The following MTUS2 variants were observed in gnomAD, a reference collection of about 807,000 sequenced individuals.
MTUS2 encodes microtubule associated scaffold protein 2.
Under a neutral mutation model 114.1 loss-of-function variants are expected in MTUS2, and 40 were observed. The observed-to-expected ratio is 0.35, with a 90% CI of 0.27 to 0.46. MTUS2 has a LOEUF of 0.46. MTUS2 is among the 20% of genes least tolerant of loss of function. The pLI, the probability that MTUS2 is intolerant of heterozygous loss-of-function variation, is 1.00. For synonymous variants in MTUS2, 688 were observed against 672.0 expected (o/e 1.02, Z -0.37); for missense variants, 1,679 against 1,705.4 (o/e 0.98, Z 0.27).
chr13:29,039,754 A>C (rs1160669630), intron 4 of MTUS2, among the ~76,000 whole-genome samples: 1 of 152,232 alleles, frequency 6.6e-6, no homozygotes, highest in East Asian at 1.9e-4. Context: ...TACTCATATC[A>C]GTAAAGGTGA....
At chr13:29,344,326 A>C (rs1297593512) in intron 7 of MTUS2, among the ~76,000 whole-genome samples, 2 of 151,918 alleles carry the variant, frequency 1.3e-5, no homozygotes, top group Non-Finnish European at 2.9e-5. Context: ...TAAATTTGGG[A>C]GCTCCAGTGT....
intron 2 of MTUS2, among the ~76,000 whole-genome samples, chr13:28,860,679 A>T (rs546696286): frequency 6.6e-6 from 1 of 152,274 alleles, no homozygotes; most frequent in East Asian, 1.9e-4. Flanking sequence ...TCCACCTCAG[A>T]TGTTTCCCTG....
chr13:28,839,284 C>T (rs771493989), intron 1 of MTUS2, among the ~76,000 whole-genome samples: 1 of 152,084 alleles, frequency 6.6e-6, no homozygotes, highest in African/African-American at 2.4e-5. Flanking sequence ...TTCATAGCTA[C>T]TCTGGTTTTT....
chr13:29,366,112 T>G (rs9506164), intron 8 of MTUS2, among the ~76,000 whole-genome samples: 113,289 of 152,126 alleles, frequency 0.74, 42,380 homozygotes, highest in East Asian at 0.83. Context: ...ACTCTGTGGG[T>G]TGTTCTATTA....
chr13:28,864,858 T>G (rs1024730331), intron 2 of MTUS2, among the ~76,000 whole-genome samples: 1 of 152,248 alleles, frequency 6.6e-6, no homozygotes, highest in Non-Finnish European at 1.5e-5. Flanking sequence ...CTTATTTTCA[T>G]GAGTATTGTC....
At chr13:29,458,314 G>C (rs2138776667) in intron 9 of MTUS2, among the ~76,000 whole-genome samples, 1 of 152,276 alleles carries the variant, frequency 6.6e-6, no homozygotes, top group African/African-American at 2.4e-5. Context: ...AAAATAGAAA[G>C]TAAATCTATT....
intron 2 of MTUS2, among the ~76,000 whole-genome samples, chr13:28,974,373 CTG>C (rs1361574427): frequency 1.3e-5 from 2 of 152,160 alleles, no homozygotes; most frequent in African/African-American, 4.8e-5. Context: ...GCCAAACAAA[CTG>C]TATCTGAATT....
intron 2 of MTUS2, among the ~76,000 whole-genome samples, chr13:28,841,045 T>TGTCCTTGTTCTCAAAGAC (rs1875445573): frequency 6.6e-6 from 1 of 152,260 alleles, no homozygotes; most frequent in Non-Finnish European, 1.5e-5. Context: ...ACCTGTGTGA[T>TGTCCTTGTTCTCAAAGAC]GTCCTTGTTC....
intron 5 of MTUS2, among the ~76,000 whole-genome samples, chr13:29,227,539 CT>C (rs1896159075): frequency 6.6e-6 from 1 of 152,202 alleles, no homozygotes; most frequent in African/African-American, 2.4e-5. Flanking sequence ...CTTGAATTTG[CT>C]TCTAAGACAG....
intron 1 of MTUS2, among the ~76,000 whole-genome samples, chr13:28,830,684 G>A (rs1485545358): frequency 6.6e-6 from 1 of 152,106 alleles, no homozygotes; most frequent in Admixed American, 6.6e-5. Context: ...ACCAACATAT[G>A]TATAATTGAA....
At chr13:29,173,566 G>T (rs933469723) in intron 5 of MTUS2, among the ~76,000 whole-genome samples, 1 of 151,960 alleles carries the variant, frequency 6.6e-6, no homozygotes, top group Non-Finnish European at 1.5e-5. Flanking sequence ...CAAGATATTC[G>T]TACCTTTAGT....
chr13:29,402,524 A>G (rs1874422051), intron 8 of MTUS2, among the ~76,000 whole-genome samples: 1 of 151,494 alleles, frequency 6.6e-6, no homozygotes, highest in African/African-American at 2.4e-5. Flanking sequence ...CAGAAGATAC[A>G]GGAAGAAGCT....
At position 28,954,328 on chromosome 13, in the gene MTUS2, A is replaced by G. The variant is rs1477910679; in HGVS notation, c.-242-70129A>G. Among the ~76,000 whole-genome samples the G allele has an allele frequency of 2.6e-5, 4 of 152,210 alleles. 1 individual carries two copies. Among genetic ancestry groups the G allele is most frequent in the African/African-American group, 9.6e-5 (4 of 41,462 alleles). On this transcript the variant is annotated intron_variant, in intron 2 of 15. Coordinates refer to ENST00000612955, the MANE Select transcript of MTUS2 (RefSeq NM_001033602.4). ...TGACCTCACACCATAAGTGCTGACAAGTCTGAGGGAATATCCCAGTGGGTC... is the reference window on the plus strand; with the variant it reads ...TGACCTCACACCATAAGTGCTGACAGGTCTGAGGGAATATCCCAGTGGGTC...
chr13:29,140,804 G>T (rs1252191372), intron 5 of MTUS2, among the ~76,000 whole-genome samples: 1 of 152,146 alleles, frequency 6.6e-6, no homozygotes, highest in Non-Finnish European at 1.5e-5. Flanking sequence ...CTTCCCTCAT[G>T]GGAAGTAGGC....
rs113453754 is a variant in MTUS2 at position 28,968,318 on chromosome 13, A to G, written c.-242-56139A>G. 3.5e-3 allele frequency among the ~76,000 whole-genome samples: 539 copies of G among 152,320 alleles called. 3 individuals carry two copies. Among genetic ancestry groups the G allele is most frequent in the African/African-American group, 0.013 (520 of 41,574 alleles). ...TATGCTTAGGTATTTAAAGGTATAC[A>G]TTGAGTTAACAAAGTGTTAAATAAA... On this transcript the variant is annotated intron_variant, in intron 2 of 15. Transcript: ENST00000612955.
At chr13:28,979,881 T>C (rs999633746) in intron 2 of MTUS2, among the ~76,000 whole-genome samples, 4 of 152,158 alleles carry the variant, frequency 2.6e-5, no homozygotes, top group Non-Finnish European at 5.9e-5. Context: ...AGCAACCTTT[T>C]TTGGGGAGGG....
intron 5 of MTUS2, among the ~76,000 whole-genome samples, chr13:29,149,693 T>C (rs1355857032): frequency 6.6e-6 from 1 of 152,230 alleles, no homozygotes; most frequent in Non-Finnish European, 1.5e-5. Flanking sequence ...AATTTATTTT[T>C]GTATATAGTG....
intron 2 of MTUS2, among the ~76,000 whole-genome samples, chr13:28,905,806 T>C (rs1879967580): frequency 6.6e-6 from 1 of 151,626 alleles, no homozygotes; most frequent in African/African-American, 2.4e-5. Flanking sequence ...TTTCTATTGA[T>C]TGGAATAGTT....
At chr13:29,255,354 G>GC (rs906423710) in intron 5 of MTUS2, among the ~76,000 whole-genome samples, 11 of 152,098 alleles carry the variant, frequency 7.2e-5, no homozygotes, top group African/African-American at 2.4e-4. Flanking sequence ...ATTTTTTACA[G>GC]CCCCCTCCGG....
Sources: gnomAD v4.1 joint callset for allele counts (sites outside exome capture counted in the v4.1 genomes callset) on GRCh38, gnomAD v4.1.1 for gene constraint, MANE v1.5 for transcripts, NCBI Gene and HGNC (gene_info 2026-07-23, HGNC 2026-07-21) for gene names.